Variants in GNB4 observed in about 807,000 individuals in gnomAD.
GNB4 encodes G protein subunit beta 4, also known as guanine nucleotide-binding protein subunit beta-4.
A neutral mutation model predicts 45.2 loss-of-function variants in GNB4; 28 were observed. The observed-to-expected ratio is 0.62, with a 90% confidence interval of 0.46 to 0.85. The LOEUF is 0.85. Ranked by LOEUF, GNB4 falls within the 40% of genes least tolerant of loss-of-function variation. GNB4 has a pLI of 0.00. For synonymous variants in GNB4, 132 were observed against 143.7 expected, an observed-to-expected ratio of 0.92 and a Z score of 0.58; for missense variants, 321 against 425.4, an observed-to-expected ratio of 0.75 and a Z score of 2.16.
chr3:179,507,870 T>C, the GNB4 span, among the ~76,000 whole-genome samples: 6 of 152,244 alleles, frequency 3.9e-5, no homozygotes, highest in Admixed American at 1.3e-4. Context: ...TTGTTCATCA[T>C]ATGATTGGCA....
In GNB4 at chr3:179,413,423, T is replaced by G; in HGVS notation, c.688A>C (p.Asn230His). ...QSFTGHVSDI[N>H]AVSFFPNGYA... ...TGCTATTCACTTACACTGACAGCATTGATATCTGAGACATGTCCCGTGAAA... is the reference window on the plus strand; with the variant it reads ...TGCTATTCACTTACACTGACAGCATGGATATCTGAGACATGTCCCGTGAAA... The change falls in exon 8 of 10, where the codon AAT becomes CAT. Residue 230 changes from asparagine to histidine, a missense_variant. By Grantham distance (68) the Asn-to-His change is moderately conservative (BLOSUM62 1). Coordinates refer to ENST00000232564, the MANE Select transcript of GNB4 (RefSeq NM_021629.4). 1.2e-6 allele frequency: 2 copies of G among 1,613,296 alleles called. No homozygotes were observed. Among genetic ancestry groups the G allele is most frequent in the Non-Finnish European group, 1.7e-6 (2 of 1,179,210 alleles).
the GNB4 span, among the ~76,000 whole-genome samples, chr3:179,489,000 AAAAAAAAAAAAAAAAAAAAAT>A: frequency 5.9e-4 from 20 of 34,054 alleles, 2 homozygotes; most frequent in South Asian, 2.4e-3. Context: ...AAAAAAAAAA[AAAAAAAAAAAAAAAAAAAAAT>A]ATATATATAT....
chr3:179,438,262 C>G (rs1011985658), intron 1 of GNB4, among the ~76,000 whole-genome samples: 1 of 152,140 alleles, frequency 6.6e-6, no homozygotes, highest in Non-Finnish European at 1.5e-5. Context: ...ATTCCACAGA[C>G]GAGGAAACTT....
At chr3:179,470,566 A>G in the GNB4 span, among the ~76,000 whole-genome samples, 3 of 151,222 alleles carry the variant, frequency 2.0e-5, no homozygotes, top group South Asian at 4.1e-4. Flanking sequence ...AATTTTTTTA[A>G]TGGAGCCTCA....
chr3:179,404,822 C>T (rs143097853), intron 9 of GNB4, among the ~76,000 whole-genome samples: 131 of 152,196 alleles, frequency 8.6e-4, no homozygotes, highest in Non-Finnish European at 8.1e-4. Flanking sequence ...AGGTCTATGT[C>T]CTGTCCCATA....
the GNB4 span, among the ~76,000 whole-genome samples, chr3:179,479,252 C>A: frequency 6.6e-6 from 1 of 152,022 alleles, no homozygotes; most frequent in Non-Finnish European, 1.5e-5. Context: ...TACAAGACAC[C>A]AAGACACACC....
chr3:179,506,322 A>G, the GNB4 span, among the ~76,000 whole-genome samples: 1 of 152,182 alleles, frequency 6.6e-6, no homozygotes, highest in African/African-American at 2.4e-5. Context: ...TGGGCGATGA[A>G]GTGAGACCCT....
intron 1 of GNB4, among the ~76,000 whole-genome samples, chr3:179,427,605 TA>T (rs67400722): frequency 0.32 from 41,141 of 129,314 alleles, 6,718 homozygotes; most frequent in East Asian, 0.67. Flanking sequence ...ACTCTGGCTT[TA>T]AAAAAAAAAA....
chr3:179,481,027 AT>A, the GNB4 span, among the ~76,000 whole-genome samples: 1 of 150,880 alleles, frequency 6.6e-6, no homozygotes, highest in East Asian at 2.0e-4. Flanking sequence ...ATTTTTTTGT[AT>A]TTTTAGTAGA....
chr3:179,405,047 G>C (rs1714422356), intron 9 of GNB4, 143 bp downstream of exon 9: 1 of 565,800 alleles, frequency 1.8e-6, no homozygotes, highest in Non-Finnish European at 3.1e-6. Flanking sequence ...ACAAACAAAA[G>C]GTAACAACAA....
chr3:179,430,612 C>T (rs990565147), intron 1 of GNB4, among the ~76,000 whole-genome samples: 13 of 147,130 alleles, frequency 8.8e-5, no homozygotes, highest in African/African-American at 3.3e-4. Context: ...CATTATCATG[C>T]CTGGCTAATT....
chr3:179,418,186 G>T (rs771686023), intron 4 of GNB4, among the ~76,000 whole-genome samples: 14 of 151,782 alleles, frequency 9.2e-5, no homozygotes, highest in Non-Finnish European at 2.1e-4. Context: ...TAAGACATTC[G>T]GCCAGGCGCG....
At chr3:179,471,260 C>G in the GNB4 span, among the ~76,000 whole-genome samples, 1 of 151,888 alleles carries the variant, frequency 6.6e-6, no homozygotes, top group Admixed American at 6.6e-5. Context: ...TTTAGCGTAG[C>G]CTAAGTGTAT....
the GNB4 span, chr3:179,465,010 C>T: frequency 4.6e-6 from 7 of 1,530,144 alleles, no homozygotes; most frequent in South Asian, 1.1e-5. Context: ...ATGAACGTCC[C>T]GGAGGTGATG....
chr3:179,480,566 G>A, the GNB4 span, among the ~76,000 whole-genome samples: 2 of 151,974 alleles, frequency 1.3e-5, no homozygotes, highest in Non-Finnish European at 2.9e-5. Flanking sequence ...ATCCTGCACA[G>A]CTCTTATGTC....
chr3:179,436,684 T>C (rs1715459990), intron 1 of GNB4, among the ~76,000 whole-genome samples: 1 of 152,164 alleles, frequency 6.6e-6, no homozygotes, highest in Non-Finnish European at 1.5e-5. Context: ...GCTTTCTTTC[T>C]CAGGAAGTTA....
At chr3:179,509,650 C>T in the GNB4 span, among the ~76,000 whole-genome samples, 2 of 151,642 alleles carry the variant, frequency 1.3e-5, no homozygotes, top group South Asian at 4.2e-4. Context: ...CCCTCCCTTC[C>T]CTCTTTTTTT....
Position 179,413,519 on chromosome 3 carries a change from T to C in GNB4, c.592A>G (p.Thr198Ala). 2 of 1,614,030 alleles carry C rather than the reference T, an allele frequency of 1.2e-6. No individual in the cohort carries two copies. Among genetic ancestry groups the C allele is most frequent in the South Asian group, 2.2e-5 (2 of 91,082 alleles). The change falls in exon 8 of 10, where the codon ACT becomes GCT. Residue 198 changes from threonine (T) to alanine (A), a missense_variant. Physicochemically the swap from Thr to Ala is moderately conservative, Grantham distance 58. Coordinates refer to ENST00000232564, the MANE Select transcript of GNB4 (RefSeq NM_021629.4). ...GCATCACAAGCACCAGAAACAAAAG[T>C]CCTCATGTCAGGACTCAAAGAAAGA... The part of the protein sequence containing the change: ...MSLSLSPDMR[T>A]FVSGACDASS...
the GNB4 span, among the ~76,000 whole-genome samples, chr3:179,468,920 T>C: frequency 6.6e-6 from 1 of 152,198 alleles, no homozygotes; most frequent in Non-Finnish European, 1.5e-5. Context: ...ATCTATTCTC[T>C]CTGAAGCCTG....
Sources: allele counts gnomAD v4.1 joint callset (sites outside exome capture counted in the v4.1 genomes callset), GRCh38; gene constraint gnomAD v4.1.1; transcripts MANE v1.5; gene names NCBI Gene and HGNC (gene_info 2026-07-23, HGNC 2026-07-21).